The following ANKRD28 variants were observed in gnomAD, a reference collection of about 807,000 sequenced individuals.
The protein encoded by ANKRD28 is serine/threonine-protein phosphatase 6 regulatory ankyrin repeat subunit A.
Under a neutral mutation model 126.5 loss-of-function variants are expected in ANKRD28, and 44 were observed. The ratio of observed to expected loss-of-function variants is 0.35; its 90% CI spans 0.27 to 0.45. The LOEUF (loss-of-function observed/expected upper bound fraction) is 0.45. ANKRD28 is among the 20% of genes least tolerant of loss of function. The pLI is 1.00. For missense variants in ANKRD28, 1,110 were observed against 1,316.6 expected (o/e 0.84, Z 2.43); for synonymous variants, 442 against 468.5 (o/e 0.94, Z 0.73).
intron 6 of ANKRD28, among the ~76,000 whole-genome samples, chr3:15,731,211 A>T (rs2074569355): frequency 6.6e-6 from 1 of 152,240 alleles, no homozygotes; most frequent in African/African-American, 2.4e-5. Flanking sequence ...GAAACAACAG[A>T]GCCATTCTGG....
In ANKRD28 at chr3:15,814,156, T is replaced by A; in HGVS notation, c.28-18850A>T. ...ATACAGTTATGTATGAAAGCTAAGT[T>A]ACAAGGAGGCTTAAACAGCAACAAA... On this transcript the variant is annotated intron_variant, in intron 1 of 27. Transcript: ENST00000399451. The surrounding 1 kb of genome is among the most constrained non-coding windows in gnomAD (Gnocchi z 4.7). 3.0e-6 allele frequency: 2 copies of A among 675,186 alleles called. No individual in the cohort carries two copies. Among genetic ancestry groups the A allele is most frequent in the Non-Finnish European group, 3.9e-6 (2 of 508,408 alleles). 41.8% of individuals were successfully genotyped at this position (675,186 alleles called of 1,614,324 possible).
At chr3:15,856,896 A>G (rs2061781704) in intron 1 of ANKRD28, among the ~76,000 whole-genome samples, 1 of 152,218 alleles carries the variant, frequency 6.6e-6, no homozygotes, top group Non-Finnish European at 1.5e-5. Context: ...AACAGACCTA[A>G]AAAAGTACAT....
chr3:15,777,558 T>C (rs2059337986), intron 2 of ANKRD28, among the ~76,000 whole-genome samples: 1 of 152,116 alleles, frequency 6.6e-6, no homozygotes, highest in Non-Finnish European at 1.5e-5. Context: ...CTGTTATTTA[T>C]TTCTCATATA....
At position 15,685,328 on chromosome 3, in the gene ANKRD28, C is replaced by T; in HGVS notation, c.2287G>A (p.Gly763Ser). Residue 763 changes from glycine (G) to serine (S), a missense_variant, in exon 21 of 28, where the codon GGT becomes AGT. Coordinates refer to ENST00000683139, the MANE Select transcript of ANKRD28 (RefSeq NM_001349278.2). ...GACTGCAAAAGGGCTCCAAGAACAC[C>T]AATGTGTCCACAGGCAGCAGACAGG... Reference protein sequence around the residue: ...IHLSAACGHIGVLGALLQSAA... With the variant: ...IHLSAACGHISVLGALLQSAA... 4 of 1,614,000 alleles carry T rather than the reference C, an allele frequency of 2.5e-6. No individual in the cohort carries two copies. The highest frequency in any genetic ancestry group is 1.7e-5 in the Admixed American group (1 of 60,024).
In ANKRD28 at chr3:15,838,712, C is replaced by A. The variant is rs1047469411; in HGVS notation, c.27+20665G>T. On this transcript the variant is annotated intron_variant, in intron 1 of 27. Coordinates refer to the ANKRD28 transcript ENST00000399451. This position sits in a 1 kb window ranked among gnomAD's most constrained non-coding sequence, Gnocchi z 4.0. ...GCAGTGAGCCGGGACCACGCCACTG[C>A]ACTCCAGCCTGGGCAACAAGAACGA... 6.6e-6 allele frequency among the ~76,000 whole-genome samples: 1 copy of A among 150,886 alleles called. No individual in the cohort carries two copies. The highest frequency in any genetic ancestry group is 2.1e-4 in the South Asian group (1 of 4,774).
intron 3 of ANKRD28, among the ~76,000 whole-genome samples, chr3:15,762,224 A>AAAACAAAAC (rs1559489421): frequency 1.1e-4 from 12 of 107,650 alleles, no homozygotes; most frequent in Non-Finnish European, 1.6e-4. Flanking sequence ...CAAAACAAAA[A>AAAACAAAAC]AAAAAAAACT....
At chr3:15,776,299 G>A (rs1032703587) in intron 2 of ANKRD28, among the ~76,000 whole-genome samples, 14 of 152,090 alleles carry the variant, frequency 9.2e-5, no homozygotes, top group Non-Finnish European at 2.1e-4. Flanking sequence ...AGAAATGCAC[G>A]CTTATGTGCA....
chr3:15,771,560 A>G lies in ANKRD28; in HGVS notation c.202-5248T>C, dbSNP rs1005486534. Reference sequence around the variant, plus strand: ...GAGAAGAGGGGGTGCCAAGCTCTTTAAACAACCAGCTGTTGCATGAAGTAG... The same window carrying G: ...GAGAAGAGGGGGTGCCAAGCTCTTTGAACAACCAGCTGTTGCATGAAGTAG... On this transcript the variant is annotated intron_variant, in intron 2 of 27. Transcript: ENST00000683139. Among the ~76,000 whole-genome samples, 3 of 152,274 alleles carry G rather than the reference A, an allele frequency of 2.0e-5. No homozygotes were observed. The South Asian group carries it at 6.2e-4, about 32-fold the overall frequency.
intron 6 of ANKRD28, among the ~76,000 whole-genome samples, chr3:15,726,284 AAGCT>A (rs942085422): frequency 9.2e-5 from 14 of 152,208 alleles, no homozygotes; most frequent in Non-Finnish European, 1.9e-4. Context: ...GACAGGCTGA[AAGCT>A]AGGCCTCCTG....
At chr3:15,837,253 G>A (rs1419510663) in intron 1 of ANKRD28, among the ~76,000 whole-genome samples, 1 of 151,910 alleles carries the variant, frequency 6.6e-6, no homozygotes, top group Non-Finnish European at 1.5e-5. Context: ...AAATAAACAA[G>A]AAAGCAGGGA....
rs1575623597 is a variant in ANKRD28, at chr3:15,773,699, A to G, written c.202-7387T>C. Reference sequence around the variant, plus strand: ...AAAAAATCAAAGAACACCTAAGTAAATGATGAGAGACCATGTTCATGAATT... The same window carrying G: ...AAAAAATCAAAGAACACCTAAGTAAGTGATGAGAGACCATGTTCATGAATT... On this transcript the variant is annotated intron_variant, in intron 2 of 27. Transcript: ENST00000683139. Among the ~76,000 whole-genome samples, 3 of 152,308 alleles carry G rather than the reference A, an allele frequency of 2.0e-5. No homozygotes were observed. In the South Asian group the frequency reaches 6.2e-4, roughly 32 times the overall value.
chr3:15,841,744 TA>T (rs1355310292), intron 1 of ANKRD28, among the ~76,000 whole-genome samples: 1 of 152,146 alleles, frequency 6.6e-6, no homozygotes, highest in Non-Finnish European at 1.5e-5. Flanking sequence ...TCACCGCAGT[TA>T]AAATGGCTTT....
intron 1 of ANKRD28, among the ~76,000 whole-genome samples, chr3:15,841,368 T>C (rs1000068507): frequency 1.3e-5 from 2 of 151,934 alleles, no homozygotes; most frequent in African/African-American, 4.8e-5. Flanking sequence ...TTAAAAAGCT[T>C]CTGCACAGCA....
rs75081873 is a variant in ANKRD28 at position 15,812,394 on chromosome 3, C to A, written c.28-17088G>T. ...GCAGTAACCAATGGAAAAGCACCAT[C>A]CAGTGGTAAAAGATGATAATTACAA... On this transcript the variant is annotated intron_variant, in intron 1 of 27. Coordinates refer to the ANKRD28 transcript ENST00000399451. The surrounding 1 kb of genome is among the most constrained non-coding windows in gnomAD (Gnocchi z 4.1). Among the ~76,000 whole-genome samples the A allele has an allele frequency of 6.6e-5, 10 of 152,042 alleles. No homozygotes were observed. The highest frequency in any genetic ancestry group is 1.2e-4 in the Non-Finnish European group (8 of 68,014).
chr3:15,695,305 C>G, intron 15 of ANKRD28, 91 bp from the exon 16 acceptor site: 1 of 946,948 alleles, frequency 1.1e-6, no homozygotes, highest in Non-Finnish European at 1.6e-6. Context: ...TAACTTTTAC[C>G]CTAAACCCGT....
At chr3:15,694,043 T>G (rs1305750522) in intron 17 of ANKRD28, among the ~76,000 whole-genome samples, 7 of 152,100 alleles carry the variant, frequency 4.6e-5, no homozygotes, top group African/African-American at 2.4e-5. Context: ...GTCTCCTGAT[T>G]CTCAAAGTAC....
chr3:15,763,663 G>A (rs1018769510), intron 3 of ANKRD28, among the ~76,000 whole-genome samples: 1 of 152,146 alleles, frequency 6.6e-6, no homozygotes, highest in African/African-American at 2.4e-5. Context: ...GCTGAAGAAG[G>A]TTTAAGGCTA....
intron 3 of ANKRD28, among the ~76,000 whole-genome samples, chr3:15,760,153 G>A (rs1416837808): frequency 1.3e-5 from 2 of 152,076 alleles, no homozygotes; most frequent in Admixed American, 6.6e-5. Context: ...AGAACATATG[G>A]ACACACAGAG....
intron 14 of ANKRD28, among the ~76,000 whole-genome samples, chr3:15,705,967 C>T (rs777515217): frequency 2.0e-5 from 3 of 152,066 alleles, no homozygotes; most frequent in Non-Finnish European, 4.4e-5. Context: ...CAGCACTGCA[C>T]TCCACCCTGG....
Sources: allele counts gnomAD v4.1 joint callset (sites outside exome capture counted in the v4.1 genomes callset), GRCh38; gene constraint gnomAD v4.1.1; non-coding constraint Gnocchi (gnomAD v3.1); transcripts MANE v1.5; gene names NCBI Gene and HGNC (gene_info 2026-07-23, HGNC 2026-07-21).